Variants in PXDNL observed in about 807,000 individuals in gnomAD.
The protein encoded by PXDNL is probable oxidoreductase PXDNL.
PXDNL carries 145 observed loss-of-function variants against 150.8 expected under a neutral mutation model. The observed-to-expected ratio is 0.96, with a 90% CI of 0.84 to 1.10. The LOEUF (loss-of-function observed/expected upper bound fraction) is 1.10. Ranked by LOEUF, PXDNL falls within the 50% of genes least tolerant of loss-of-function variation. The probability of loss-of-function intolerance (pLI) is 0.00; values close to 1 mark genes in which losing one functional copy is unlikely to be tolerated. For synonymous variants in PXDNL, 757 were observed against 725.7 expected (o/e 1.04, Z -0.69); for missense variants, 2,087 against 1,873.9 (o/e 1.11, Z -2.10).
At chr8:51,432,713 G>A (rs1809281826) in intron 12 of PXDNL, among the ~76,000 whole-genome samples, 1 of 152,170 alleles carries the variant, frequency 6.6e-6, no homozygotes, top group Admixed American at 6.5e-5. Flanking sequence ...CATATCCAAT[G>A]ATCTTGCTGA....
intron 12 of PXDNL, among the ~76,000 whole-genome samples, chr8:51,431,754 T>C (rs929886680): frequency 1.3e-5 from 2 of 152,228 alleles, no homozygotes; most frequent in Admixed American, 6.5e-5. Flanking sequence ...AACCATGGAC[T>C]CTACATCTTA....
At chr8:51,679,088 G>A (rs1365085090) in intron 1 of PXDNL, among the ~76,000 whole-genome samples, 3 of 152,204 alleles carry the variant, frequency 2.0e-5, no homozygotes, top group African/African-American at 7.2e-5. Context: ...GGTGGATGCA[G>A]TCCTATGATC....
chr8:51,481,737 G>T (rs953050403), intron 6 of PXDNL, among the ~76,000 whole-genome samples: 4 of 152,212 alleles, frequency 2.6e-5, no homozygotes, highest in African/African-American at 9.6e-5. Context: ...TACTTCTGAG[G>T]CCATTGCTTC....
chr8:51,569,515 T>A (rs1339275937), intron 3 of PXDNL, among the ~76,000 whole-genome samples: 2 of 151,950 alleles, frequency 1.3e-5, no homozygotes, highest in Non-Finnish European at 2.9e-5. Context: ...AAATAAACAT[T>A]TCCTTTATTT....
At chr8:51,617,611 A>G (rs1585624460) in intron 2 of PXDNL, among the ~76,000 whole-genome samples, 1 of 152,370 alleles carries the variant, frequency 6.6e-6, no homozygotes, top group East Asian at 1.9e-4. Flanking sequence ...ATGGAAATCT[A>G]CTAAACATTA....
intron 2 of PXDNL, among the ~76,000 whole-genome samples, chr8:51,602,658 G>C (rs926863519): frequency 1.3e-5 from 2 of 151,608 alleles, no homozygotes. Flanking sequence ...TGTTTCTTTT[G>C]ATGGACATTA....
intron 2 of PXDNL, among the ~76,000 whole-genome samples, chr8:51,605,737 T>C (rs1426701636): frequency 6.6e-6 from 1 of 152,208 alleles, no homozygotes; most frequent in African/African-American, 2.4e-5. Context: ...AATAAATTAA[T>C]GGATTAATGA....
rs1177201100 is a variant in PXDNL, at chr8:51,423,656, A to G, written c.1714T>C (p.Phe572Leu). Reference sequence around the variant, plus strand: ...CATTCATATCTTCCCTGGTCAGGGAACCCTGCGTCGTAGATAGTCAGCGTG... The same window carrying G: ...CATTCATATCTTCCCTGGTCAGGGAGCCCTGCGTCGTAGATAGTCAGCGTG... The part of the protein sequence containing the change: ...EGTLTIYDAG[F>L]PDQGRYECVA... The change falls in exon 14 of 23, where the codon TTC becomes CTC. Residue 572 changes from phenylalanine (F) to leucine (L), a missense_variant. Physicochemically the swap from Phe to Leu is conservative, Grantham distance 22. Coordinates refer to ENST00000356297, the MANE Select transcript of PXDNL (RefSeq NM_144651.5). 2 of 1,613,852 alleles carry G rather than the reference A, an allele frequency of 1.2e-6. No individual in the cohort carries two copies. The highest frequency in any genetic ancestry group is 1.7e-5 in the Admixed American group (1 of 60,002).
At chr8:51,369,283 A>G (rs1291866754) in intron 19 of PXDNL, among the ~76,000 whole-genome samples, 2 of 152,114 alleles carry the variant, frequency 1.3e-5, no homozygotes, top group Admixed American at 1.3e-4. Flanking sequence ...TGTATAACCT[A>G]CCTGAAACTA....
chr8:51,729,101 A>G (rs1038281379), intron 1 of PXDNL, among the ~76,000 whole-genome samples: 1 of 152,198 alleles, frequency 6.6e-6, no homozygotes, highest in Admixed American at 6.5e-5. Flanking sequence ...CTGAGAGCAC[A>G]ATGACAGAAT....
intron 8 of PXDNL, among the ~76,000 whole-genome samples, chr8:51,471,332 C>T (rs1810328033): frequency 2.0e-5 from 3 of 152,144 alleles, no homozygotes; most frequent in South Asian, 2.1e-4. Flanking sequence ...ACTTTTTTAA[C>T]ATTTGTTATT....
At chr8:51,321,806 A>C (rs1022423319) in intron 21 of PXDNL, among the ~76,000 whole-genome samples, 12 of 152,286 alleles carry the variant, frequency 7.9e-5, no homozygotes, top group African/African-American at 2.9e-4. Flanking sequence ...TAGCAGTGTG[A>C]GAATGAACTA....
At chr8:51,553,360 C>T (rs1812532227) in intron 4 of PXDNL, among the ~76,000 whole-genome samples, 1 of 152,204 alleles carries the variant, frequency 6.6e-6, no homozygotes, top group South Asian at 2.1e-4. Flanking sequence ...GGCTTTGCTC[C>T]TGTGAAAAGG....
rs543382513 is a variant in PXDNL, at chr8:51,553,422, G to A, written c.380+3418C>T. Among the ~76,000 whole-genome samples, 196 of 152,272 alleles carry A rather than the reference G, an allele frequency of 1.3e-3. 1 individual carries two copies. The highest frequency in any genetic ancestry group is 1.6e-3 in the Non-Finnish European group (112 of 68,024). ...AAACATCCTTTGAAATCTAGGTGGA[G>A]ACCATTTTTGACCCCATAGCCCACT... On this transcript the variant is annotated intron_variant, in intron 4 of 22. Coordinates refer to ENST00000356297, the MANE Select transcript of PXDNL (RefSeq NM_144651.5).
chr8:51,543,325 T>C (rs751967340), intron 4 of PXDNL, among the ~76,000 whole-genome samples: 1 of 152,172 alleles, frequency 6.6e-6, no homozygotes, highest in Non-Finnish European at 1.5e-5. Flanking sequence ...ATGCAATATG[T>C]AGCAGTTTTA....
intron 4 of PXDNL, among the ~76,000 whole-genome samples, chr8:51,533,852 C>A (rs571824263): frequency 1.0e-4 from 15 of 150,676 alleles, no homozygotes; most frequent in African/African-American, 3.7e-4. Flanking sequence ...CACCTCCCAG[C>A]CGCCTGCCTT....
At chr8:51,412,406 G>A (rs1586085781) in intron 15 of PXDNL, among the ~76,000 whole-genome samples, 1 of 152,288 alleles carries the variant, frequency 6.6e-6, no homozygotes, top group Non-Finnish European at 1.5e-5. Context: ...AAGATGTTAA[G>A]TCACTTGCTC....
chr8:51,482,127 G>A (rs1810618926), intron 6 of PXDNL, among the ~76,000 whole-genome samples: 1 of 152,220 alleles, frequency 6.6e-6, no homozygotes, highest in Non-Finnish European at 1.5e-5. Context: ...GAGGGAAGCT[G>A]TGCCCTGCAA....
At chr8:51,514,514 A>AT in intron 4 of PXDNL, among the ~76,000 whole-genome samples, 1 of 152,334 alleles carries the variant, frequency 6.6e-6, no homozygotes, top group Non-Finnish European at 1.5e-5. Context: ...GATAATTCAA[A>AT]TGTTTATGAT....
Sources: allele counts gnomAD v4.1 joint callset (sites outside exome capture counted in the v4.1 genomes callset), GRCh38; gene constraint gnomAD v4.1.1; transcripts MANE v1.5; gene names NCBI Gene and HGNC (gene_info 2026-07-23, HGNC 2026-07-21).